ULK4: variants seen among roughly 807,000 people sequenced by gnomAD.
ULK4 encodes unc-51 like kinase 4.
A neutral mutation model predicts 160.6 loss-of-function variants in ULK4; 133 were observed. The observed-to-expected ratio is 0.83, with a 90% CI of 0.72 to 0.96. The LOEUF (loss-of-function observed/expected upper bound fraction) is 0.96. Among genes scored for constraint, ULK4 ranks in the 40% least tolerant of loss-of-function variants. The pLI is 0.00. For synonymous variants in ULK4, 534 were observed against 539.8 expected, an observed-to-expected ratio of 0.99 and a Z score of 0.15; for missense variants, 1,580 against 1,499.5, an observed-to-expected ratio of 1.05 and a Z score of -0.89.
At chr3:41,706,305 G>A (rs2036874063) in intron 25 of ULK4, among the ~76,000 whole-genome samples, 2 of 149,406 alleles carry the variant, frequency 1.3e-5, no homozygotes, top group African/African-American at 5.0e-5. Context: ...GTTACTGACA[G>A]CAAGAACGCT....
intron 21 of ULK4, among the ~76,000 whole-genome samples, chr3:41,783,578 T>C (rs930147817): frequency 6.6e-6 from 1 of 151,658 alleles, no homozygotes; most frequent in African/African-American, 2.4e-5. Context: ...CTTATCATGT[T>C]GTCCAGGCAG....
intron 21 of ULK4, among the ~76,000 whole-genome samples, chr3:41,773,661 A>C (rs1455538200): frequency 6.6e-6 from 1 of 152,094 alleles, no homozygotes; most frequent in Admixed American, 6.6e-5. Flanking sequence ...GTAATTTATA[A>C]ATTCAATGCC....
intron 12 of ULK4, among the ~76,000 whole-genome samples, chr3:41,905,419 G>A (rs1478180579): frequency 6.6e-6 from 1 of 152,070 alleles, no homozygotes; most frequent in Admixed American, 6.6e-5. Flanking sequence ...TTGTGAGCTG[G>A]GAGTAGCAAT....
intron 32 of ULK4, among the ~76,000 whole-genome samples, chr3:41,563,441 C>A (rs536776023): frequency 1.3e-5 from 2 of 152,258 alleles, no homozygotes; most frequent in East Asian, 1.9e-4. Flanking sequence ...TGGATAATAT[C>A]CTGAAGAGTG....
At position 41,941,755 on chromosome 3, in the gene ULK4, C is replaced by CAAAAAAAAAAAA. The variant is rs565727539; in HGVS notation, c.139-3570_139-3559dup. Among the ~76,000 whole-genome samples, 50 of 30,750 alleles carry CAAAAAAAAAAAA rather than the reference C, an allele frequency of 1.6e-3. 2 individuals are homozygous for CAAAAAAAAAAAA. The highest frequency in any genetic ancestry group is 5.6e-3 in the South Asian group (2 of 360). 20.2% of individuals were successfully genotyped at this position (30,750 alleles called of 152,430 possible). A position where few individuals can be genotyped will look rare whatever the true frequency, so the allele number is the denominator to read the frequency against. On this transcript the variant is annotated intron_variant, in intron 2 of 36. Transcript: ENST00000301831. ...TGAGTGACAGAGTGAGACTCTGTCT[C>CAAAAAAAAAAAA]AAAAAAAAAAAAAAAAAAAAAAAAG...
chr3:41,457,299 T>C (rs765585487), intron 33 of ULK4, among the ~76,000 whole-genome samples: 3 of 152,080 alleles, frequency 2.0e-5, no homozygotes, highest in Non-Finnish European at 1.5e-5. Flanking sequence ...CAAGAAACAC[T>C]GTAGGACTTT....
At chr3:41,287,177 A>G (rs2079477106) in intron 35 of ULK4, among the ~76,000 whole-genome samples, 3 of 152,182 alleles carry the variant, frequency 2.0e-5, no homozygotes, top group African/African-American at 4.8e-5. Context: ...GTAGGAACTT[A>G]ATTTTGGGGA....
intron 30 of ULK4, among the ~76,000 whole-genome samples, chr3:41,630,965 T>C (rs2033715369): frequency 6.6e-6 from 1 of 152,356 alleles, no homozygotes; most frequent in Non-Finnish European, 1.5e-5. Flanking sequence ...ACCAGTCTAG[T>C]GGACCAAGGA....
chr3:41,746,272 C>CAAAAAAAAAAAAAAAAAAAAAA (rs34582395), intron 22 of ULK4, among the ~76,000 whole-genome samples: 5 of 45,718 alleles, frequency 1.1e-4, no homozygotes, highest in African/African-American at 5.3e-4. Flanking sequence ...CTGGAACCCA[C>CAAAAAAAAAAAAAAAAAAAAAA]AAAAAAAAAA....
At chr3:41,476,137 C>A (rs2084137231) in intron 32 of ULK4, among the ~76,000 whole-genome samples, 1 of 151,960 alleles carries the variant, frequency 6.6e-6, no homozygotes, top group South Asian at 2.1e-4. Context: ...CTGACACCAC[C>A]AGTGGTCCAT....
At chr3:41,276,090 G>C (rs1439635123) in intron 35 of ULK4, among the ~76,000 whole-genome samples, 1 of 152,228 alleles carries the variant, frequency 6.6e-6, no homozygotes, top group Non-Finnish European at 1.5e-5. Context: ...AGAAAAATGA[G>C]CTAGAGAATA....
intron 32 of ULK4, among the ~76,000 whole-genome samples, chr3:41,479,263 G>A (rs976511960): frequency 2.0e-5 from 3 of 152,154 alleles, no homozygotes; most frequent in Admixed American, 1.3e-4. Context: ...ACATTCGGGA[G>A]AAAATCAGCA....
At chr3:41,371,966 G>A (rs2081378261) in intron 35 of ULK4, among the ~76,000 whole-genome samples, 1 of 151,826 alleles carries the variant, frequency 6.6e-6, no homozygotes, top group Admixed American at 6.6e-5. Context: ...TGATGGAGCT[G>A]AATAACACAG....
At chr3:41,472,113 T>C (rs1022864599) in intron 32 of ULK4, among the ~76,000 whole-genome samples, 2 of 150,186 alleles carry the variant, frequency 1.3e-5, no homozygotes, top group African/African-American at 4.9e-5. Flanking sequence ...AAGAGATGAC[T>C]CAAATAAATA....
chr3:41,417,530 G>A lies in ULK4; in HGVS notation c.3493-19266C>T, dbSNP rs1559585745. On this transcript the variant is annotated intron_variant, in intron 34 of 36. Coordinates refer to ENST00000301831, the MANE Select transcript of ULK4 (RefSeq NM_017886.4). ...ATAGGGGAAAACACATCTCTGAGCAGTAAGGCTCCCCCTGGGAGAGCTCCA... is the reference window on the plus strand; with the variant it reads ...ATAGGGGAAAACACATCTCTGAGCAATAAGGCTCCCCCTGGGAGAGCTCCA... 2.6e-5 allele frequency among the ~76,000 whole-genome samples: 4 copies of A among 152,278 alleles called. No individual in the cohort carries two copies. In the East Asian group the frequency reaches 7.8e-4, roughly 30 times the overall value.
At chr3:41,399,236 T>C (rs549148414) in intron 34 of ULK4, among the ~76,000 whole-genome samples, 1 of 152,322 alleles carries the variant, frequency 6.6e-6, no homozygotes, top group African/African-American at 2.4e-5. Flanking sequence ...TTTTCAGACG[T>C]ACTTCCCTGA....
At chr3:41,776,125 T>G (rs1367945367) in intron 21 of ULK4, among the ~76,000 whole-genome samples, 2 of 151,026 alleles carry the variant, frequency 1.3e-5, no homozygotes, top group Non-Finnish European at 2.9e-5. Flanking sequence ...TCTGTCAGAC[T>G]TACATGTTCG....
intron 13 of ULK4, among the ~76,000 whole-genome samples, chr3:41,900,392 G>A (rs117719067): frequency 2.6e-5 from 4 of 152,244 alleles, no homozygotes; most frequent in Admixed American, 2.0e-4. Context: ...TGCATACGGA[G>A]AAACAAAAGG....
chr3:41,856,561 ACACATATATATATG>A (rs2042354883), intron 17 of ULK4, among the ~76,000 whole-genome samples: 9 of 34,082 alleles, frequency 2.6e-4, no homozygotes, highest in African/African-American at 1.6e-3. Context: ...GTATATATAT[ACACATATATATATG>A]TGTATATATA....
Sources: gnomAD v4.1 joint callset for allele counts (sites outside exome capture counted in the v4.1 genomes callset) on GRCh38, gnomAD v4.1.1 for gene constraint, MANE v1.5 for transcripts, NCBI Gene and HGNC (gene_info 2026-07-23, HGNC 2026-07-21) for gene names.